Variants in ZNF701 observed in about 807,000 individuals in gnomAD.
ZNF701 encodes zinc finger protein 701.
In ZNF701, 6 loss-of-function variants were observed where a neutral mutation model predicts 7.1. The observed-to-expected ratio is 0.84, with a 90% CI of 0.46 to 1.66. ZNF701 has a LOEUF of 1.66. Among genes scored for constraint, ZNF701 ranks in the 40% most tolerant of loss-of-function variants. The pLI is 0.01. For missense variants in ZNF701, 541 were observed against 559.2 expected, an observed-to-expected ratio of 0.97 and a Z score of 0.33; for synonymous variants, 166 against 188.2, an observed-to-expected ratio of 0.88 and a Z score of 0.97.
the ZNF701 span, chr19:52,596,510 A>G: frequency 3.3e-5 from 14 of 419,126 alleles, no homozygotes; most frequent in Admixed American, 4.4e-4. Flanking sequence ...ATGCCGTAAG[A>G]GTTCATACTG....
Position 52,583,827 on chromosome 19 carries a change from A to G in ZNF701, c.*370A>G. The G allele has an allele frequency of 1.8e-6, 1 of 558,458 alleles. No individual in the cohort carries two copies. Among genetic ancestry groups the G allele is most frequent in the Non-Finnish European group, 3.4e-6 (1 of 294,622 alleles). The allele number at this position is 558,458 out of a possible 1,614,324, so 34.6% of individuals were successfully genotyped here. A position where few individuals can be genotyped will look rare whatever the true frequency, so the allele number is the denominator to read the frequency against. On this transcript the variant is annotated 3_prime_UTR_variant, in exon 4 of 4. Transcript: ENST00000391785. ...TTGTCACAAAGTCTTCAGTAATATT[A>G]CAGCCATTGCAAAACATTGGAGAAT...
chr19:52,592,855 T>C, the ZNF701 span, among the ~76,000 whole-genome samples: 2 of 56,758 alleles, frequency 3.5e-5, 1 homozygote, highest in African/African-American at 1.4e-4. Flanking sequence ...CACAGGACAA[T>C]AGTGGAGGGA....
rs529423985 is a variant in ZNF701, at chr19:52,575,947, A to G, written c.68A>G (p.Lys23Arg). The G allele has an allele frequency of 2.7e-5, 43 of 1,570,918 alleles. No homozygotes were observed. Among genetic ancestry groups the G allele is most frequent in the South Asian group, 1.2e-4 (10 of 86,490 alleles). ...ATAGAATTCTCTCAGGAGGAGTGGA[A>G]ATGCCTGGACCCTGCTCAGAGGACT... is the stretch of plus-strand genomic sequence containing the variant. ...VAIEFSQEEW[K>R]CLDPAQRTLY... The change falls in exon 3 of 4, where the codon AAA (lysine) becomes AGA (arginine). Residue 23 changes from lysine (K) to arginine (R), a missense_variant. Transcript: ENST00000391785.
chr19:52,577,703 TAGC>T (rs1186336871), intron 3 of ZNF701, among the ~76,000 whole-genome samples: 1 of 152,002 alleles, frequency 6.6e-6, no homozygotes, highest in Non-Finnish European at 1.5e-5. Context: ...ACCCGTTACT[TAGC>T]AGACCGCGAA....
At chr19:52,597,431 C>T in the ZNF701 span, 2 of 500,540 alleles carry the variant, frequency 4.0e-6, no homozygotes, top group African/African-American at 1.9e-5. Flanking sequence ...GTTCCAAATA[C>T]AGTGACTATA....
chr19:52,575,198 T>A (rs920700118), intron 2 of ZNF701, among the ~76,000 whole-genome samples: 1 of 152,160 alleles, frequency 6.6e-6, no homozygotes, highest in African/African-American at 2.4e-5. Flanking sequence ...CTCGATCTCC[T>A]GACCTTGTGA....
Position 52,579,797 on chromosome 19 carries a change from C to G in ZNF701, c.143-2405C>G, listed in dbSNP as rs181847898. ...GCTGAGGCACGAGAGTTGCTTGAAC[C>G]CGGGAGGTAGAGGTTGCAGTGAGCT... is the stretch of plus-strand genomic sequence containing the variant. On this transcript the variant is annotated intron_variant, in intron 3 of 3. Coordinates refer to ENST00000391785, the MANE Select transcript of ZNF701 (RefSeq NM_018260.3). Among the ~76,000 whole-genome samples, 226 of 140,146 alleles carry G rather than the reference C, an allele frequency of 1.6e-3. 5 individuals are homozygous for G. Among genetic ancestry groups the G allele is most frequent in the Non-Finnish European group, 2.9e-3 (195 of 67,398 alleles). The allele number at this position is 140,146 out of a possible 152,430, so 91.9% of individuals were successfully genotyped here.
rs179320 is a variant in ZNF701, at chr19:52,585,180, A to C, written c.*1723A>C. On this transcript the variant is annotated 3_prime_UTR_variant, in exon 4 of 4. Coordinates refer to ENST00000391785, the MANE Select transcript of ZNF701 (RefSeq NM_018260.3). The stretch of plus-strand genomic sequence containing the variant: ...GTAGGGCCGTGCAGACACCTCCTGT[A>C]GCGAAACTTTCCTTCTCAAAACCCT... 106,418 of 152,238 alleles carry C rather than the reference A, an allele frequency of 0.7. 37,484 individuals are homozygous for C. The highest frequency in any genetic ancestry group is 0.74 in the Non-Finnish European group (50,269 of 68,102). The allele number at this position is 152,238 out of a possible 1,614,324, so 9.4% of individuals were successfully genotyped here.
intron 1 of ZNF701, among the ~76,000 whole-genome samples, chr19:52,571,830 GT>G (rs931570230): frequency 1.3e-4 from 19 of 147,686 alleles, no homozygotes; most frequent in African/African-American, 4.0e-4. Flanking sequence ...ACCCTTTTTG[GT>G]TTTTTTTTTG....
At chr19:52,600,012 T>G in the ZNF701 span, among the ~76,000 whole-genome samples, 986 of 152,280 alleles carry the variant, frequency 6.5e-3, 7 homozygotes, top group African/African-American at 0.023. Context: ...TGATTAGTGT[T>G]TATCTTGAAA....
Position 52,570,306 on chromosome 19 carries a change from G to T in ZNF701, c.-96G>T, listed in dbSNP as rs2059889219. On this transcript the variant is annotated 5_prime_UTR_variant, in exon 1 of 4. Coordinates refer to ENST00000391785, the MANE Select transcript of ZNF701 (RefSeq NM_018260.3). ...CCGCGCAGACCAGGAAGCGGATCCC[G>T]TGGAGTGAAGGTCGCACCGCGGCGG... 6.5e-6 allele frequency: 1 copy of T among 154,156 alleles called. No individual in the cohort carries two copies. The highest frequency in any genetic ancestry group is 1.4e-5 in the Non-Finnish European group (1 of 69,158). 9.5% of individuals were successfully genotyped at this position (154,156 alleles called of 1,614,324 possible). A position where few individuals can be genotyped will look rare whatever the true frequency, so the allele number is the denominator to read the frequency against.
the ZNF701 span, chr19:52,597,297 C>T: frequency 4.4e-5 from 24 of 544,246 alleles, no homozygotes; most frequent in Non-Finnish European, 8.6e-5. Flanking sequence ...TTCACGTTCA[C>T]ACCTCATTAG....
chr19:52,595,268 C>T, the ZNF701 span, among the ~76,000 whole-genome samples: 8 of 138,590 alleles, frequency 5.8e-5, no homozygotes, highest in African/African-American at 2.2e-4. Flanking sequence ...CTATTATTTA[C>T]CATCTGTACT....
rs2059997678 is a variant in ZNF701 at position 52,584,678 on chromosome 19, A to T, written c.*1221A>T. On this transcript the variant is annotated 3_prime_UTR_variant, in exon 4 of 4. Transcript: ENST00000391785. Reference sequence around the variant, plus strand: ...TTATTCCTAAGTATTTCTTACTTTAAGATCTCTAGCAAATGGAAGTGTTTT... The same window carrying T: ...TTATTCCTAAGTATTTCTTACTTTATGATCTCTAGCAAATGGAAGTGTTTT... 6.6e-6 allele frequency: 1 copy of T among 152,204 alleles called. No homozygotes were observed. The highest frequency in any genetic ancestry group is 6.5e-5 in the Admixed American group (1 of 15,284). The allele number at this position is 152,204 out of a possible 1,614,324, so 9.4% of individuals were successfully genotyped here.
At chr19:52,588,624 A>G, downstream of ZNF701, 1 of 372,782 alleles carries the variant, frequency 2.7e-6, no homozygotes, top group Non-Finnish European at 5.1e-6. Context: ...GTAAAGTGAT[A>G]TTCCTCGGTG....
rs1301571604 is a variant in ZNF701 at position 52,584,280 on chromosome 19, T to A, written c.*823T>A. The stretch of plus-strand genomic sequence containing the variant: ...ATTCAGAATTGACTTGAGTTTGAGT[T>A]GACTTAAAACATTCAGTTGAAGCAT... On this transcript the variant is annotated 3_prime_UTR_variant, in exon 4 of 4. Transcript: ENST00000391785. 4.4e-6 allele frequency: 1 copy of A among 224,772 alleles called. No individual in the cohort carries two copies. The highest frequency in any genetic ancestry group is 9.1e-6 in the Non-Finnish European group (1 of 110,330). 13.9% of individuals were successfully genotyped at this position (224,772 alleles called of 1,614,324 possible). A position where few individuals can be genotyped will look rare whatever the true frequency, so the allele number is the denominator to read the frequency against.
At chr19:52,588,774 G>T (rs777307703), downstream of ZNF701, among the ~76,000 whole-genome samples, 8 of 151,986 alleles carry the variant, frequency 5.3e-5, no homozygotes, top group African/African-American at 1.5e-4. Context: ...AATTCCATCT[G>T]CCTCTATTGC....
chr19:52,600,006 T>C, the ZNF701 span, among the ~76,000 whole-genome samples: 1 of 152,166 alleles, frequency 6.6e-6, no homozygotes, highest in Non-Finnish European at 1.5e-5. Flanking sequence ...GAGGACTGAT[T>C]AGTGTTTATC....
intron 1 of ZNF701, among the ~76,000 whole-genome samples, chr19:52,571,259 A>C (rs553983461): frequency 6.8e-6 from 1 of 147,816 alleles, no homozygotes; most frequent in Non-Finnish European, 1.5e-5. Flanking sequence ...AGAGAGGAGG[A>C]ATTTGGAGCC....
Sources: allele counts gnomAD v4.1 joint callset (sites outside exome capture counted in the v4.1 genomes callset), GRCh38; gene constraint gnomAD v4.1.1; transcripts MANE v1.5; gene names NCBI Gene and HGNC (gene_info 2026-07-23, HGNC 2026-07-21).